The following RELCH variants were observed in gnomAD, a reference collection of about 807,000 sequenced individuals.
The protein encoded by RELCH is RAB11-binding protein RELCH.
Under a neutral mutation model 150.3 loss-of-function variants are expected in RELCH, and 41 were observed. The observed-to-expected ratio is 0.27, with a 90% CI of 0.21 to 0.35. The LOEUF (loss-of-function observed/expected upper bound fraction) is 0.35, where lower values mean the gene tolerates loss of function less well. Ranked by LOEUF, RELCH falls within the 10% of genes least tolerant of loss-of-function variation. The pLI is 1.00. For missense variants in RELCH, 1,092 were observed against 1,467.8 expected, an observed-to-expected ratio of 0.74 and a Z score of 4.18; for synonymous variants, 478 against 531.8, an observed-to-expected ratio of 0.90 and a Z score of 1.39.
intron 20 of RELCH, among the ~76,000 whole-genome samples, chr18:62,270,965 C>T (rs576025668): frequency 6.6e-6 from 1 of 152,156 alleles, no homozygotes; most frequent in East Asian, 1.9e-4. Context: ...TGTATATGTG[C>T]CACATTTTCT....
At chr18:62,204,400 A>G (rs926625988) in intron 1 of RELCH, among the ~76,000 whole-genome samples, 6 of 152,160 alleles carry the variant, frequency 3.9e-5, no homozygotes, top group African/African-American at 1.4e-4. Context: ...CAGTGTCTCA[A>G]TCATGGCTCA....
chr18:62,195,300 GTGTGTGTGTGTGTA>G (rs2038953217), intron 1 of RELCH, among the ~76,000 whole-genome samples: 1 of 151,812 alleles, frequency 6.6e-6, no homozygotes. Flanking sequence ...GTGTGTGTGT[GTGTGTGTGTGTGTA>G]TACACTGTAT....
intron 22 of RELCH, among the ~76,000 whole-genome samples, chr18:62,276,679 C>T (rs1168974386): frequency 6.6e-6 from 1 of 152,044 alleles, no homozygotes; most frequent in Non-Finnish European, 1.5e-5. Flanking sequence ...AAAATATATG[C>T]TTTCTAAAAT....
At position 62,264,812 on chromosome 18, in the gene RELCH, G is replaced by A. The variant is rs766145734; in HGVS notation, c.2591G>A (p.Arg864His). 35 of 1,608,602 alleles carry A rather than the reference G, an allele frequency of 2.2e-5. No individual in the cohort carries two copies. The highest frequency in any genetic ancestry group is 3.3e-5 in the South Asian group (3 of 90,086). ...CATGAATTCTCCAGATTTTTCTGGC[G>A]CCTTTGCCGGACATTTGGCAAAATT... The part of the protein sequence containing the change: ...CVHEFSRFFW[R>H]LCRTFGKIFT... The change falls in exon 18 of 29, where the codon CGC (arginine) becomes CAC (histidine). Residue 864 changes from arginine (R) to histidine (H), a missense_variant. Physicochemically the swap from Arg to His is conservative, Grantham distance 29. Around this residue, in one of 4 missense-constraint regions of RELCH, gnomAD observed 707 missense variants for 1,025.4 expected, o/e 0.69. Coordinates refer to ENST00000644646, the MANE Select transcript of RELCH (RefSeq NM_001346231.2).
intron 25 of RELCH, among the ~76,000 whole-genome samples, chr18:62,286,158 T>C (rs560850594): frequency 1.7e-4 from 26 of 152,234 alleles, no homozygotes; most frequent in Non-Finnish European, 2.9e-4. Context: ...CATATATGAA[T>C]AGATAAAGTG....
At chr18:62,191,095 G>A (rs77573037) in intron 1 of RELCH, among the ~76,000 whole-genome samples, 10,173 of 152,182 alleles carry the variant, frequency 0.067, 408 homozygotes, top group Middle Eastern at 0.15. Context: ...TAAAAAATTT[G>A]TGTCTTTTAA....
At chr18:62,255,613 A>T in intron 13 of RELCH, 135 bp downstream of exon 13, 1 of 680,958 alleles carries the variant, frequency 1.5e-6, no homozygotes, top group African/African-American at 1.8e-5. Flanking sequence ...TGATCCAAAA[A>T]AGAGACTCAC....
chr18:62,291,318 ACCACTGACATAAATAG>A (rs920784059), intron 26 of RELCH, among the ~76,000 whole-genome samples: 6 of 152,208 alleles, frequency 3.9e-5, no homozygotes, highest in Non-Finnish European at 8.8e-5. Context: ...AATGATGAAT[ACCACTGACATAAATAG>A]CTTTGTGTGA....
At chr18:62,277,751 A>C in intron 22 of RELCH, 2 of 852,818 alleles carry the variant, frequency 2.3e-6, no homozygotes, top group Non-Finnish European at 2.8e-6. Flanking sequence ...CCCATTGTTA[A>C]ATAAGGGAAT....
chr18:62,224,277 G>A (rs1369284664), intron 5 of RELCH, among the ~76,000 whole-genome samples: 1 of 151,472 alleles, frequency 6.6e-6, no homozygotes, highest in Non-Finnish European at 1.5e-5. Flanking sequence ...CTTCATCCAT[G>A]TCCCTGCAAA....
At chr18:62,231,091 G>A (rs1004390267) in intron 8 of RELCH, 103 bp from the exon 9 acceptor site, 4 of 746,918 alleles carry the variant, frequency 5.4e-6, no homozygotes, top group Non-Finnish European at 8.9e-6. Flanking sequence ...TTGTGGGGTA[G>A]GATTAATGCT....
intron 1 of RELCH, among the ~76,000 whole-genome samples, chr18:62,204,477 A>G (rs888646173): frequency 6.6e-6 from 1 of 152,034 alleles, no homozygotes; most frequent in Non-Finnish European, 1.5e-5. Flanking sequence ...GACTGCAGGA[A>G]TGTGCCACCA....
At chr18:62,275,291 C>G (rs1348692942) in intron 21 of RELCH, 83 bp from the exon 22 acceptor site, 2 of 623,994 alleles carry the variant, frequency 3.2e-6, no homozygotes, top group African/African-American at 3.8e-5. Flanking sequence ...CATTAATATT[C>G]CTTATAAATA....
At position 62,221,021 on chromosome 18, in the gene RELCH, C is replaced by G. The variant is rs1295387652; in HGVS notation, c.617-16C>G. 6.2e-7 allele frequency: 1 copy of G among 1,604,652 alleles called. No homozygotes were observed. The highest frequency in any genetic ancestry group is 1.1e-5 in the South Asian group (1 of 89,692). The stretch of plus-strand genomic sequence containing the variant: ...GGTTGGATGCCTGTGTGTGTTTATT[C>G]CAAATCCCTGTCCAGTCCTGGAGTT... On this transcript the variant is annotated splice_polypyrimidine_tract_variant and intron_variant, in intron 2 of 28. Coordinates refer to ENST00000644646, the MANE Select transcript of RELCH (RefSeq NM_001346231.2).
intron 20 of RELCH, among the ~76,000 whole-genome samples, chr18:62,269,893 G>A (rs902189978): frequency 3.9e-5 from 6 of 152,100 alleles, no homozygotes; most frequent in Non-Finnish European, 8.8e-5. Context: ...AAATTTTAGA[G>A]CATTCTGGAT....
chr18:62,247,133 C>T (rs1168657286), intron 11 of RELCH: 1 of 152,146 alleles, frequency 6.6e-6, no homozygotes, highest in African/African-American at 2.4e-5. Flanking sequence ...TGTGGCTCCT[C>T]CCTTTCTCTC....
intron 27 of RELCH, among the ~76,000 whole-genome samples, chr18:62,294,283 T>A (rs1244822175): frequency 6.6e-6 from 1 of 152,204 alleles, no homozygotes; most frequent in Non-Finnish European, 1.5e-5. Flanking sequence ...AATGCTAAAT[T>A]GTTTTCCAAA....
chr18:62,227,238 G>T, intron 5 of RELCH, 51 bp from the exon 6 acceptor site: 1 of 1,220,934 alleles, frequency 8.2e-7, no homozygotes, highest in Non-Finnish European at 1.2e-6. Context: ...TTTCAAAAAT[G>T]TAAGATAAAA....
At chr18:62,213,973 A>G (rs1319752699) in intron 2 of RELCH, among the ~76,000 whole-genome samples, 1 of 151,902 alleles carries the variant, frequency 6.6e-6, no homozygotes, top group East Asian at 1.9e-4. Context: ...TAAGCCTCAG[A>G]TTTGCACAAC....
Sources: gnomAD v4.1 joint callset for allele counts (sites outside exome capture counted in the v4.1 genomes callset) on GRCh38, gnomAD v4.1.1 for gene constraint, gnomAD v4.1.1 regional missense constraint, MANE v1.5 for transcripts, NCBI Gene and HGNC (gene_info 2026-07-23, HGNC 2026-07-21) for gene names.